The following CALD1 variants were observed in gnomAD, a reference collection of about 807,000 sequenced individuals.
CALD1 encodes the protein caldesmon.
Under a neutral mutation model 99.9 loss-of-function variants are expected in CALD1, and 33 were observed. The ratio of observed to expected loss-of-function variants is 0.33; its 90% CI spans 0.25 to 0.44. The LOEUF is 0.44. CALD1 is among the 20% of genes least tolerant of loss of function. The probability of loss-of-function intolerance (pLI) is 1.00; values close to 1 mark genes in which losing one functional copy is unlikely to be tolerated. For synonymous variants in CALD1, 310 were observed against 325.0 expected, an observed-to-expected ratio of 0.95 and a Z score of 0.50; for missense variants, 861 against 962.1, an observed-to-expected ratio of 0.89 and a Z score of 1.39.
chr7:134,774,591 T>C (rs1796902550), intron 1 of CALD1, among the ~76,000 whole-genome samples: 2 of 152,234 alleles, frequency 1.3e-5, no homozygotes, highest in Admixed American at 1.3e-4. Flanking sequence ...GACTTCTAAC[T>C]ATTCCTTACC....
the CALD1 span, among the ~76,000 whole-genome samples, chr7:134,721,160 G>A: frequency 6.6e-6 from 1 of 152,198 alleles, no homozygotes. Context: ...GTTGTGGCAA[G>A]AGCAGTGGAG....
chr7:134,962,877 C>G, intron 13 of CALD1: 1 of 456,628 alleles, frequency 2.2e-6, no homozygotes, highest in Non-Finnish European at 4.4e-6. Context: ...GCTTCTCCTG[C>G]CTTCATTTCT....
At chr7:134,773,353 C>T (rs779885159) in intron 1 of CALD1, among the ~76,000 whole-genome samples, 3 of 151,520 alleles carry the variant, frequency 2.0e-5, no homozygotes, top group South Asian at 2.1e-4. Flanking sequence ...TGGCTCACTG[C>T]GGCCTCCACC....
In CALD1 at chr7:134,787,907, G is replaced by A. The variant is rs998924561; in HGVS notation, c.-130+8158G>A. On this transcript the variant is annotated intron_variant, in intron 1 of 14. Transcript: ENST00000361675. ...TTCGGTTTAGAGGGCAGGTGCTTCCGTGTGTACATAGAAGCAGAGCTTGTT... is the reference window on the plus strand; with the variant it reads ...TTCGGTTTAGAGGGCAGGTGCTTCCATGTGTACATAGAAGCAGAGCTTGTT... Among the ~76,000 whole-genome samples, 14 of 152,216 alleles carry A rather than the reference G, an allele frequency of 9.2e-5. No homozygotes were observed. In the South Asian group the frequency reaches 1.7e-3, roughly 18 times the overall value.
At chr7:134,757,892 A>T (rs1011048534) in intron 1 of CALD1, among the ~76,000 whole-genome samples, 10 of 146,454 alleles carry the variant, frequency 6.8e-5, no homozygotes, top group African/African-American at 1.2e-4. Flanking sequence ...AAATAAAAAT[A>T]AAAAAAAAAA....
At chr7:134,904,038 C>T (rs1803188213) in intron 3 of CALD1, among the ~76,000 whole-genome samples, 1 of 151,926 alleles carries the variant, frequency 6.6e-6, no homozygotes, top group African/African-American at 2.4e-5. Context: ...GCCTGGTCAA[C>T]ATGGCGAAAC....
intron 1 of CALD1, among the ~76,000 whole-genome samples, chr7:134,802,253 A>T (rs1489598136): frequency 3.9e-5 from 6 of 152,162 alleles, no homozygotes. Flanking sequence ...TACCTTACAC[A>T]TCTACTGTTC....
intron 1 of CALD1, among the ~76,000 whole-genome samples, chr7:134,785,101 A>G (rs1420288709): frequency 1.3e-5 from 2 of 152,192 alleles, no homozygotes; most frequent in South Asian, 4.1e-4. Context: ...TTGAGCATGG[A>G]AGGCAAATTA....
chr7:134,718,127 T>C, the CALD1 span, among the ~76,000 whole-genome samples: 1 of 152,238 alleles, frequency 6.6e-6, no homozygotes, highest in South Asian at 2.1e-4. Flanking sequence ...GAGCAGTTTT[T>C]TTATAAGTGC....
chr7:134,958,350 A>G, intron 11 of CALD1, 60 bp downstream of exon 11: 1 of 1,313,050 alleles, frequency 7.6e-7, no homozygotes, highest in Non-Finnish European at 1.1e-6. Context: ...GACTACATAG[A>G]AGAGCATAAA....
At chr7:134,742,730 C>T (rs1209945315), upstream of CALD1, among the ~76,000 whole-genome samples, 1 of 152,214 alleles carries the variant, frequency 6.6e-6, no homozygotes, top group Non-Finnish European at 1.5e-5. Flanking sequence ...CATAATTTCC[C>T]ACAAAGACTG....
chr7:134,959,961 T>C lies in CALD1; in HGVS notation c.2062-13T>C, dbSNP rs1203220170. 1 of 1,612,184 alleles carries C rather than the reference T, an allele frequency of 6.2e-7. No homozygotes were observed. The highest frequency in any genetic ancestry group is 8.5e-7 in the Non-Finnish European group (1 of 1,179,302). ...TCCCAGCACCAATCCTAAAAATAAC[T>C]CACAAATTTCAGGGAACAAAAAGCG... On this transcript the variant is annotated splice_polypyrimidine_tract_variant and intron_variant, in intron 11 of 14. Transcript: ENST00000361675.
chr7:134,825,158 G>C (rs1037745434), intron 1 of CALD1, among the ~76,000 whole-genome samples: 1 of 152,086 alleles, frequency 6.6e-6, no homozygotes, highest in African/African-American at 2.4e-5. Flanking sequence ...AAAGCTTTAA[G>C]ATTTAGATAA....
chr7:134,793,248 G>T (rs996164666), intron 1 of CALD1, among the ~76,000 whole-genome samples: 2 of 152,204 alleles, frequency 1.3e-5, no homozygotes, highest in Admixed American at 1.3e-4. Flanking sequence ...GCCCTTTTCC[G>T]TCATTTTTAT....
intron 3 of CALD1, among the ~76,000 whole-genome samples, chr7:134,883,331 A>G (rs1373979778): frequency 6.6e-6 from 1 of 152,202 alleles, no homozygotes; most frequent in African/African-American, 2.4e-5. Flanking sequence ...ATTGGCTTTC[A>G]AATTTGAAGT....
chr7:134,711,676 A>ATG, the CALD1 span, among the ~76,000 whole-genome samples: 25 of 70,460 alleles, frequency 3.5e-4, no homozygotes, highest in African/African-American at 1.1e-3. Flanking sequence ...ATATATATAT[A>ATG]TATATGTGTG....
At chr7:134,947,268 C>A (rs1193582430) in intron 7 of CALD1, among the ~76,000 whole-genome samples, 1 of 152,054 alleles carries the variant, frequency 6.6e-6, no homozygotes, top group Non-Finnish European at 1.5e-5. Flanking sequence ...CTTTACAATC[C>A]CATTTTACAG....
At chr7:134,751,528 C>T (rs528388398) in intron 1 of CALD1, among the ~76,000 whole-genome samples, 2 of 152,264 alleles carry the variant, frequency 1.3e-5, no homozygotes, top group South Asian at 2.1e-4. Context: ...ATCCTTCCCT[C>T]GCCAAGAATA....
chr7:134,961,786 T>C (rs1808282639), intron 13 of CALD1: 2 of 152,106 alleles, frequency 1.3e-5, no homozygotes, highest in African/African-American at 4.8e-5. Context: ...AAGGACACAG[T>C]TGAGGCAAGA....
Sources: gnomAD v4.1 joint callset for allele counts (sites outside exome capture counted in the v4.1 genomes callset) on GRCh38, gnomAD v4.1.1 for gene constraint, MANE v1.5 for transcripts, NCBI Gene and HGNC (gene_info 2026-07-23, HGNC 2026-07-21) for gene names.